MTMR7: variants seen among roughly 807,000 people sequenced by gnomAD.
MTMR7 encodes the protein myotubularin related protein 7, also known as phosphatidylinositol-3-phosphate phosphatase MTMR7.
Under a neutral mutation model 81.2 loss-of-function variants are expected in MTMR7, and 76 were observed. The ratio of observed to expected loss-of-function variants is 0.94; its 90% CI spans 0.78 to 1.13. MTMR7 has a LOEUF of 1.13. Among genes scored for constraint, MTMR7 ranks in the 50% most tolerant of loss-of-function variants. The pLI, the probability that MTMR7 is intolerant of heterozygous loss-of-function variation, is 0.00. For synonymous variants in MTMR7, 372 were observed against 289.8 expected (o/e 1.28, Z -2.88); for missense variants, 1,044 against 820.0 (o/e 1.27, Z -3.34).
intron 1 of MTMR7, among the ~76,000 whole-genome samples, chr8:17,404,416 T>C (rs1478871113): frequency 1.3e-5 from 2 of 152,168 alleles, no homozygotes; most frequent in East Asian, 1.9e-4. Flanking sequence ...AGGTACCTAT[T>C]AGATATACAA....
intron 1 of MTMR7, among the ~76,000 whole-genome samples, chr8:17,406,352 A>G (rs984750184): frequency 6.6e-6 from 1 of 152,232 alleles, no homozygotes; most frequent in Non-Finnish European, 1.5e-5. Flanking sequence ...CATTTCTCCA[A>G]AAAAGACAGG....
intron 1 of MTMR7, among the ~76,000 whole-genome samples, chr8:17,407,270 A>T (rs925826999): frequency 3.9e-5 from 6 of 152,134 alleles, no homozygotes; most frequent in Non-Finnish European, 7.4e-5. Context: ...TCGCTGGTAA[A>T]AAAAAATACA....
At chr8:17,393,053 T>A (rs2150578747) in intron 1 of MTMR7, among the ~76,000 whole-genome samples, 1 of 152,296 alleles carries the variant, frequency 6.6e-6, no homozygotes, top group Middle Eastern at 3.4e-3. Context: ...TAATCAAGAT[T>A]GTGTGGTATT....
intron 5 of MTMR7, among the ~76,000 whole-genome samples, chr8:17,343,557 T>C (rs1168901443): frequency 6.6e-6 from 1 of 152,186 alleles, no homozygotes. Flanking sequence ...CAGACCTCAC[T>C]AAAGCAGTGA....
chr8:17,395,524 ACAT>A (rs1194539277), intron 1 of MTMR7, among the ~76,000 whole-genome samples: 1 of 152,224 alleles, frequency 6.6e-6, no homozygotes, highest in South Asian at 2.1e-4. Flanking sequence ...GTACCAGTTT[ACAT>A]TATCACCAAC....
chr8:17,374,180 T>G (rs1373695729), intron 1 of MTMR7, among the ~76,000 whole-genome samples: 1 of 152,222 alleles, frequency 6.6e-6, no homozygotes, highest in Non-Finnish European at 1.5e-5. Flanking sequence ...ATTCGCTCCA[T>G]TCTTCAGTTT....
chr8:17,337,736 C>G (rs1420349821), intron 6 of MTMR7, among the ~76,000 whole-genome samples: 1 of 152,218 alleles, frequency 6.6e-6, no homozygotes, highest in African/African-American at 2.4e-5. Flanking sequence ...CCACCTCAGC[C>G]TCCCAAATAG....
At chr8:17,328,762 G>A (rs1818831583) in intron 7 of MTMR7, among the ~76,000 whole-genome samples, 1 of 152,126 alleles carries the variant, frequency 6.6e-6, no homozygotes. Flanking sequence ...TTACTTGAGG[G>A]AAAAGCCAGT....
At chr8:17,365,628 A>C (rs1342794779) in intron 3 of MTMR7, among the ~76,000 whole-genome samples, 1 of 152,180 alleles carries the variant, frequency 6.6e-6, no homozygotes, top group African/African-American at 2.4e-5. Flanking sequence ...GCCCCATTAC[A>C]CAAGAGCTCC....
intron 6 of MTMR7, among the ~76,000 whole-genome samples, chr8:17,331,840 C>T (rs1819019359): frequency 6.6e-6 from 1 of 152,256 alleles, no homozygotes; most frequent in South Asian, 2.1e-4. Flanking sequence ...GGAATGCAAC[C>T]AAGTCTCCAG....
intron 1 of MTMR7, among the ~76,000 whole-genome samples, chr8:17,393,578 C>A (rs1237037894): frequency 6.6e-6 from 1 of 152,170 alleles, no homozygotes; most frequent in East Asian, 1.9e-4. Flanking sequence ...AGCTGTCATC[C>A]TCAGCAAACA....
intron 1 of MTMR7, among the ~76,000 whole-genome samples, chr8:17,375,847 G>C (rs1820568501): frequency 6.6e-6 from 1 of 152,034 alleles, no homozygotes; most frequent in South Asian, 2.1e-4. Context: ...ACTATAAATA[G>C]CATGGAGACT....
chr8:17,345,316 G>C (rs933213658), intron 5 of MTMR7, among the ~76,000 whole-genome samples: 20 of 152,236 alleles, frequency 1.3e-4, no homozygotes, highest in Non-Finnish European at 1.9e-4. Context: ...CCCAGAAGCA[G>C]GTTTTAGTTC....
At chr8:17,379,969 G>A (rs1481535282) in intron 1 of MTMR7, among the ~76,000 whole-genome samples, 2 of 152,156 alleles carry the variant, frequency 1.3e-5, no homozygotes, top group Admixed American at 6.5e-5. Flanking sequence ...TGAGGGTTTG[G>A]AGGAGGGGAG....
At chr8:17,348,216 A>G (rs1819618187) in intron 5 of MTMR7, among the ~76,000 whole-genome samples, 1 of 152,112 alleles carries the variant, frequency 6.6e-6, no homozygotes, top group South Asian at 2.1e-4. Flanking sequence ...CTTATACTGA[A>G]GATACTCAAA....
intron 6 of MTMR7, among the ~76,000 whole-genome samples, chr8:17,332,996 T>C (rs1160030152): frequency 1.3e-5 from 2 of 151,710 alleles, no homozygotes; most frequent in Non-Finnish European, 1.5e-5. Flanking sequence ...ATATATGAAG[T>C]TTGTAATTGA....
chr8:17,306,211 A>G (rs1459776335), intron 10 of MTMR7, among the ~76,000 whole-genome samples: 3 of 152,212 alleles, frequency 2.0e-5, no homozygotes, highest in Non-Finnish European at 4.4e-5. Flanking sequence ...AAGAAATAAA[A>G]TTCAAAGACA....
rs1044877723 is a variant in MTMR7 at position 17,298,509 on chromosome 8, C to T, written c.*1353G>A. The T allele has an allele frequency of 6.6e-6, 1 of 152,294 alleles. No homozygotes were observed. Among genetic ancestry groups the T allele is most frequent in the Non-Finnish European group, 1.5e-5 (1 of 67,928 alleles). The allele number at this position is 152,294 out of a possible 1,614,324, so 9.4% of individuals were successfully genotyped here. A position where few individuals can be genotyped will look rare whatever the true frequency, so the allele number is the denominator to read the frequency against. The stretch of plus-strand genomic sequence containing the variant: ...ATCAGCAATGTTGCTTTCTTGCCCT[C>T]GTCCTCATTTCAGCGAAATGTAATA... On this transcript the variant is annotated 3_prime_UTR_variant, in exon 14 of 14. Transcript: ENST00000180173.
intron 12 of MTMR7, among the ~76,000 whole-genome samples, chr8:17,304,168 C>T (rs1817303785): frequency 6.6e-6 from 1 of 152,140 alleles, no homozygotes; most frequent in South Asian, 2.1e-4. Context: ...ACATCACCTC[C>T]TGAAGAAAAT....
Sources: allele counts gnomAD v4.1 joint callset (sites outside exome capture counted in the v4.1 genomes callset), GRCh38; gene constraint gnomAD v4.1.1; transcripts MANE v1.5; gene names NCBI Gene and HGNC (gene_info 2026-07-23, HGNC 2026-07-21).